The following CPED1 variants were observed in gnomAD, a reference collection of about 807,000 sequenced individuals.
The protein encoded by CPED1 is cadherin-like and PC-esterase domain-containing protein 1.
A neutral mutation model predicts 128.2 loss-of-function variants in CPED1; 114 were observed. The observed-to-expected ratio is 0.89, with a 90% CI of 0.76 to 1.04. CPED1 has a LOEUF of 1.04. CPED1 is among the 50% of genes least tolerant of loss of function. CPED1 has a pLI of 0.00. For missense variants in CPED1, 1,211 were observed against 1,207.1 expected, an observed-to-expected ratio of 1.00 and a Z score of -0.05; for synonymous variants, 462 against 426.7, an observed-to-expected ratio of 1.08 and a Z score of -1.02.
intron 16 of CPED1, among the ~76,000 whole-genome samples, chr7:121,204,251 G>A (rs1797468844): frequency 6.6e-6 from 1 of 152,086 alleles, no homozygotes; most frequent in Non-Finnish European, 1.5e-5. Flanking sequence ...GGCCAGAAGA[G>A]ACTGAGCAGA....
intron 22 of CPED1, among the ~76,000 whole-genome samples, chr7:121,275,431 C>A (rs1792311178): frequency 6.6e-6 from 1 of 152,100 alleles, no homozygotes; most frequent in Non-Finnish European, 1.5e-5. Context: ...AGCTCTTGCC[C>A]AAGAGAGGTT....
chr7:121,111,122 G>C (rs1046547270), intron 7 of CPED1, among the ~76,000 whole-genome samples: 1 of 152,108 alleles, frequency 6.6e-6, no homozygotes, highest in African/African-American at 2.4e-5. Flanking sequence ...GAGGCACACA[G>C]GTTCCTGTTC....
intron 2 of CPED1, among the ~76,000 whole-genome samples, chr7:121,005,665 GAACA>G (rs1419645287): frequency 2.6e-5 from 4 of 151,596 alleles, no homozygotes; most frequent in African/African-American, 4.8e-5. Context: ...ATTTAGAAAC[GAACA>G]AACAAAAAAA....
intron 18 of CPED1, among the ~76,000 whole-genome samples, chr7:121,253,038 A>G (rs1221427954): frequency 4.6e-5 from 7 of 152,090 alleles, no homozygotes; most frequent in Non-Finnish European, 8.8e-5. Context: ...CACTATTCAC[A>G]ATAGCAAAGA....
chr7:121,114,948 G>A (rs10251139), intron 7 of CPED1, among the ~76,000 whole-genome samples: 1 of 151,980 alleles, frequency 6.6e-6, no homozygotes, highest in African/African-American at 2.4e-5. Flanking sequence ...TCCTTCAGGC[G>A]TGAATGAATT....
intron 12 of CPED1, among the ~76,000 whole-genome samples, chr7:121,132,907 A>G (rs140034801): frequency 4.7e-4 from 72 of 152,256 alleles, no homozygotes; most frequent in African/African-American, 1.6e-3. Flanking sequence ...AACTTTAGCA[A>G]TAATTTTAAT....
At position 120,994,625 on chromosome 7, in the gene CPED1, CTGTGTG is replaced by C. The variant is rs35288728; in HGVS notation, c.249+4785_249+4790del. ...TGGAGAATTCAAAGTATTTGTTATA[CTGTGTG>C]TGTGTGTGTGTGTGTGTGTGTGTGT... On this transcript the variant is annotated intron_variant, in intron 2 of 22. Transcript: ENST00000310396. Among the ~76,000 whole-genome samples, 1,267 of 144,654 alleles carry C rather than the reference CTGTGTG, an allele frequency of 8.8e-3. 58 individuals are homozygous for C. Among genetic ancestry groups the C allele is most frequent in the Admixed American group, 0.077 (1,121 of 14,514 alleles). 94.9% of individuals were successfully genotyped at this position (144,654 alleles called of 152,430 possible).
intron 5 of CPED1, among the ~76,000 whole-genome samples, chr7:121,069,797 C>A (rs1380218623): frequency 2.6e-5 from 4 of 152,058 alleles, no homozygotes; most frequent in Admixed American, 2.6e-4. Flanking sequence ...ATTTGAAAGA[C>A]AAGTATAAAA....
At chr7:121,087,665 C>CT (rs72453872) in intron 5 of CPED1, among the ~76,000 whole-genome samples, 55,117 of 131,170 alleles carry the variant, frequency 0.42, 13,740 homozygotes, top group East Asian at 0.81. Context: ...CTTTTCTTTC[C>CT]TGTTTTTTTT....
chr7:121,199,503 CCT>C (rs1026662324), intron 16 of CPED1, among the ~76,000 whole-genome samples: 15 of 151,064 alleles, frequency 9.9e-5, no homozygotes, highest in African/African-American at 3.6e-4. Context: ...CATGGTGAAA[CCT>C]GTCTCTACTA....
At chr7:121,050,822 G>T in intron 4 of CPED1, 1 of 462,006 alleles carries the variant, frequency 2.2e-6, no homozygotes. Flanking sequence ...CGGGAGGAGC[G>T]GCAGCGGCCA....
At chr7:121,196,836 C>T (rs1458372182) in intron 16 of CPED1, among the ~76,000 whole-genome samples, 1 of 151,490 alleles carries the variant, frequency 6.6e-6, no homozygotes, top group East Asian at 1.9e-4. Context: ...TAAACCTTTT[C>T]CCACAAGTCT....
chr7:121,183,547 T>C (rs960857925), intron 16 of CPED1, among the ~76,000 whole-genome samples: 1 of 152,180 alleles, frequency 6.6e-6, no homozygotes, highest in Admixed American at 6.6e-5. Flanking sequence ...TTCCATGTTC[T>C]CTCACAGATC....
At chr7:121,162,668 T>A (rs1303586667) in intron 16 of CPED1, among the ~76,000 whole-genome samples, 1 of 152,228 alleles carries the variant, frequency 6.6e-6, no homozygotes, top group African/African-American at 2.4e-5. Context: ...TGAAGTTTGA[T>A]TCAGTGCTTA....
intron 14 of CPED1, 142 bp downstream of exon 14, chr7:121,136,232 C>A: frequency 1.3e-6 from 1 of 767,466 alleles, no homozygotes; most frequent in South Asian, 2.0e-5. Flanking sequence ...TATTAGATTT[C>A]CAATGGAGTC....
intron 2 of CPED1, among the ~76,000 whole-genome samples, chr7:121,008,162 A>G (rs1224408036): frequency 6.6e-6 from 1 of 152,052 alleles, no homozygotes; most frequent in African/African-American, 2.4e-5. Flanking sequence ...TGTCTATACT[A>G]AGTCCAGTTT....
chr7:121,082,348 T>C (rs1476169877), intron 5 of CPED1, among the ~76,000 whole-genome samples: 2 of 152,220 alleles, frequency 1.3e-5, no homozygotes, highest in Non-Finnish European at 2.9e-5. Flanking sequence ...TTTTCTGTTT[T>C]CTACCTCAAC....
chr7:121,143,344 G>A (rs1041917418), intron 16 of CPED1, among the ~76,000 whole-genome samples: 1 of 151,902 alleles, frequency 6.6e-6, no homozygotes, highest in Non-Finnish European at 1.5e-5. Context: ...AATTTAAATG[G>A]TGGTTCATTT....
intron 16 of CPED1, among the ~76,000 whole-genome samples, chr7:121,201,234 A>G (rs893473677): frequency 2.6e-5 from 4 of 152,024 alleles, no homozygotes; most frequent in Non-Finnish European, 4.4e-5. Context: ...TATTATCAAG[A>G]CCAGCCTGGT....
Sources: gnomAD v4.1 joint callset for allele counts (sites outside exome capture counted in the v4.1 genomes callset) on GRCh38, gnomAD v4.1.1 for gene constraint, MANE v1.5 for transcripts, NCBI Gene and HGNC (gene_info 2026-07-23, HGNC 2026-07-21) for gene names.